The following DLG2 variants were observed in gnomAD, a reference collection of about 807,000 sequenced individuals.
The protein encoded by DLG2 is discs large MAGUK scaffold protein 2, also known as disks large homolog 2.
Under a neutral mutation model 132.5 loss-of-function variants are expected in DLG2, and 45 were observed. The ratio of observed to expected loss-of-function variants is 0.34; its 90% CI spans 0.27 to 0.44. DLG2 has a LOEUF of 0.44. Ranked by LOEUF, DLG2 falls within the 20% of genes least tolerant of loss-of-function variation. The pLI, the probability that DLG2 is intolerant of heterozygous loss-of-function variation, is 1.00. For missense variants in DLG2, 1,045 were observed against 1,196.9 expected, an observed-to-expected ratio of 0.87 and a Z score of 1.87; for synonymous variants, 424 against 419.6, an observed-to-expected ratio of 1.01 and a Z score of -0.13.
At position 85,432,464 on chromosome 11, in the gene DLG2, G is replaced by T. The variant is rs151051215; in HGVS notation, c.41-147099C>A. On this transcript the variant is annotated intron_variant, in intron 3 of 27. Coordinates refer to ENST00000376104, the MANE Select transcript of DLG2 (RefSeq NM_001142699.3). ...AAATGGTTACAGGAGCTACTAACTA[G>T]AATAACCAGTTTAGAGAGAAACATA... Among the ~76,000 whole-genome samples, 519 of 152,106 alleles carry T rather than the reference G, an allele frequency of 3.4e-3. 3 individuals carry two copies. The highest frequency in any genetic ancestry group is 0.012 in the African/African-American group (486 of 41,474).
chr11:83,816,744 C>T (rs772518863), intron 17 of DLG2, among the ~76,000 whole-genome samples: 1 of 152,166 alleles, frequency 6.6e-6, no homozygotes, highest in Non-Finnish European at 1.5e-5. Context: ...CAATTCCTTT[C>T]CCCCAAAGGA....
intron 6 of DLG2, among the ~76,000 whole-genome samples, chr11:85,032,357 C>CA (rs1284178839): frequency 1.3e-5 from 2 of 152,140 alleles, no homozygotes; most frequent in Non-Finnish European, 2.9e-5. Flanking sequence ...GCATTATAAA[C>CA]AGTTTTTACA....
rs1565305987 is a variant in DLG2, at chr11:83,460,941, A to G, written c.2822-1017T>C. ...CACTGACACTTTCTATATTCTGAAT[A>G]AGGTAAAAAATAAAACATCTAACTT... On this transcript the variant is annotated intron_variant, in intron 27 of 27. Transcript: ENST00000376104. Among the ~76,000 whole-genome samples the G allele has an allele frequency of 2.6e-5, 4 of 152,124 alleles. No homozygotes were observed. In the East Asian group the frequency reaches 5.8e-4, roughly 22 times the overall value.
intron 11 of DLG2, among the ~76,000 whole-genome samples, chr11:84,036,454 T>C (rs2095865304): frequency 6.6e-6 from 1 of 152,130 alleles, no homozygotes; most frequent in Non-Finnish European, 1.5e-5. Flanking sequence ...ATCAAATGTT[T>C]CACTCTAACA....
At chr11:84,491,193 T>C (rs1312847050) in intron 7 of DLG2, among the ~76,000 whole-genome samples, 1 of 152,056 alleles carries the variant, frequency 6.6e-6, no homozygotes, top group Non-Finnish European at 1.5e-5. Flanking sequence ...CCAAATTTCA[T>C]CTTGAATTCC....
chr11:83,833,793 C>T (rs2055270374), intron 16 of DLG2, 23 bp from the exon 17 acceptor site: 1 of 1,611,522 alleles, frequency 6.2e-7, no homozygotes, highest in African/African-American at 1.3e-5. Context: ...ATAGAGAACA[C>T]AGCTCAGAGG....
intron 7 of DLG2, among the ~76,000 whole-genome samples, chr11:84,491,360 T>G (rs561235012): frequency 3.9e-5 from 6 of 152,190 alleles, no homozygotes; most frequent in Admixed American, 2.0e-4. Context: ...GCCATCCACG[T>G]AAGATGTGAC....
At chr11:85,355,058 T>G (rs548123561) in intron 3 of DLG2, among the ~76,000 whole-genome samples, 3 of 152,324 alleles carry the variant, frequency 2.0e-5, no homozygotes, top group Admixed American at 2.0e-4. Context: ...TATTTTCTAT[T>G]TATAATATGC....
intron 6 of DLG2, among the ~76,000 whole-genome samples, chr11:84,757,011 C>T (rs1166263929): frequency 6.6e-6 from 1 of 152,130 alleles, no homozygotes; most frequent in Non-Finnish European, 1.5e-5. Context: ...AGTTTTTTAT[C>T]AACATCCTCA....
At chr11:84,392,013 A>G (rs1287385091) in intron 7 of DLG2, among the ~76,000 whole-genome samples, 2 of 152,170 alleles carry the variant, frequency 1.3e-5, no homozygotes, top group African/African-American at 4.8e-5. Context: ...TTTCTTATCT[A>G]TACAATAGGG....
At chr11:84,170,354 T>C (rs2095792636) in intron 8 of DLG2, among the ~76,000 whole-genome samples, 1 of 152,222 alleles carries the variant, frequency 6.6e-6, no homozygotes, top group Non-Finnish European at 1.5e-5. Context: ...ACCTATCATG[T>C]ACTTGGTATA....
At chr11:84,777,255 T>C (rs201121661) in intron 6 of DLG2, among the ~76,000 whole-genome samples, 6 of 139,082 alleles carry the variant, frequency 4.3e-5, no homozygotes, top group Non-Finnish European at 7.7e-5. Context: ...ATAGTATCCA[T>C]TGTGTGTGTA....
intron 3 of DLG2, among the ~76,000 whole-genome samples, chr11:85,518,329 T>C (rs936202758): frequency 2.6e-5 from 4 of 152,198 alleles, no homozygotes; most frequent in African/African-American, 9.6e-5. Context: ...AGGTCCAGGC[T>C]GAGGTGGTCT....
intron 3 of DLG2, among the ~76,000 whole-genome samples, chr11:85,467,538 A>G (rs2092833190): frequency 6.6e-6 from 1 of 152,172 alleles, no homozygotes. Flanking sequence ...GAATTTTGTC[A>G]AAGGCCTTTT....
chr11:83,587,302 G>C (rs901911463), intron 19 of DLG2, among the ~76,000 whole-genome samples: 1 of 151,032 alleles, frequency 6.6e-6, no homozygotes, highest in Non-Finnish European at 1.5e-5. Flanking sequence ...ACAGGGTCTT[G>C]CTCTGTCACA....
intron 6 of DLG2, among the ~76,000 whole-genome samples, chr11:84,770,094 G>A (rs1267458929): frequency 6.6e-6 from 1 of 152,108 alleles, no homozygotes; most frequent in Non-Finnish European, 1.5e-5. Context: ...TGTTCTTGCA[G>A]TAGCAAGTGA....
chr11:85,318,403 A>G (rs2080832713), intron 3 of DLG2, among the ~76,000 whole-genome samples: 1 of 151,848 alleles, frequency 6.6e-6, no homozygotes, highest in African/African-American at 2.4e-5. Context: ...AACCCAGTAG[A>G]CTCATGATAT....
chr11:84,505,132 T>C (rs1047646214), intron 7 of DLG2, among the ~76,000 whole-genome samples: 29 of 152,272 alleles, frequency 1.9e-4, no homozygotes, highest in African/African-American at 6.5e-4. Flanking sequence ...CCTGGTGATA[T>C]AGTAGTATTA....
chr11:85,217,318 T>TCTCACACACACACA (rs370686252), intron 4 of DLG2, among the ~76,000 whole-genome samples: 45 of 144,036 alleles, frequency 3.1e-4, no homozygotes, highest in African/African-American at 1.2e-3. Flanking sequence ...TCTCTCTCTC[T>TCTCACACACACACA]CACACACACA....
Sources: gnomAD v4.1 joint callset for allele counts (sites outside exome capture counted in the v4.1 genomes callset) on GRCh38, gnomAD v4.1.1 for gene constraint, MANE v1.5 for transcripts, NCBI Gene and HGNC (gene_info 2026-07-23, HGNC 2026-07-21) for gene names.